ERC1: variants seen among roughly 807,000 people sequenced by gnomAD.
The protein encoded by ERC1 is ELKS/RAB6-interacting/CAST family member 1, also known as RAB6 interacting protein 2.
ERC1 carries 56 observed loss-of-function variants against 132.0 expected under a neutral mutation model. That is an observed-to-expected ratio of 0.42 (90% CI 0.34 to 0.53). The LOEUF (loss-of-function observed/expected upper bound fraction) is 0.53, where lower values mean the gene tolerates loss of function less well. ERC1 is among the 20% of genes least tolerant of loss of function. The pLI is 0.03. For synonymous variants in ERC1, 478 were observed against 476.1 expected (o/e 1.00, Z -0.05); for missense variants, 1,202 against 1,349.9 (o/e 0.89, Z 1.72).
chr12:1,398,655 G>A (rs1349085984), intron 16 of ERC1, among the ~76,000 whole-genome samples: 3 of 152,166 alleles, frequency 2.0e-5, no homozygotes, highest in Admixed American at 6.5e-5. Flanking sequence ...ATGGTATGCT[G>A]CTATAACAAA....
chr12:1,172,545 A>G (rs1184294391), intron 8 of ERC1, among the ~76,000 whole-genome samples: 1 of 152,222 alleles, frequency 6.6e-6, no homozygotes, highest in Non-Finnish European at 1.5e-5. Context: ...TAAACTGTAT[A>G]TATAAACCTG....
intron 17 of ERC1, among the ~76,000 whole-genome samples, chr12:1,410,725 G>A (rs776789980): frequency 4.0e-5 from 6 of 150,198 alleles, no homozygotes; most frequent in South Asian, 2.1e-4. Flanking sequence ...CTTCTAGGAC[G>A]TGTAACTAAA....
At chr12:1,322,804 C>A (rs548622058) in intron 15 of ERC1, among the ~76,000 whole-genome samples, 4 of 152,216 alleles carry the variant, frequency 2.6e-5, no homozygotes, top group Non-Finnish European at 4.4e-5. Flanking sequence ...TCCAGCCTGG[C>A]GACCTTAATT....
chr12:1,106,136 C>T (rs1419347128), intron 4 of ERC1, among the ~76,000 whole-genome samples: 5 of 152,168 alleles, frequency 3.3e-5, no homozygotes, highest in Non-Finnish European at 7.3e-5. Flanking sequence ...TTACCTATGC[C>T]TCAGTTTCTT....
intron 12 of ERC1, among the ~76,000 whole-genome samples, chr12:1,205,407 GTGTGTGTATA>G (rs1340226471): frequency 7.0e-6 from 1 of 142,062 alleles, no homozygotes; most frequent in African/African-American, 2.6e-5. Flanking sequence ...CTGTGTGTGT[GTGTGTGTATA>G]TATATATATA....
chr12:1,230,051 G>T (rs1234076766), intron 12 of ERC1, among the ~76,000 whole-genome samples: 2 of 140,894 alleles, frequency 1.4e-5, no homozygotes, highest in African/African-American at 5.3e-5. Context: ...GTGTCACCCA[G>T]GCTAGAGTGC....
chr12:1,201,928 G>A (rs1029685827), intron 12 of ERC1, among the ~76,000 whole-genome samples: 2 of 152,290 alleles, frequency 1.3e-5, no homozygotes, highest in South Asian at 4.2e-4. Flanking sequence ...GATGACTGGG[G>A]CTGCGGATGG....
At chr12:1,321,520 C>G (rs1401965003) in intron 15 of ERC1, among the ~76,000 whole-genome samples, 2 of 152,120 alleles carry the variant, frequency 1.3e-5, no homozygotes, top group African/African-American at 4.8e-5. Flanking sequence ...TGTTTTACTT[C>G]TGAGTATAAT....
intron 17 of ERC1, among the ~76,000 whole-genome samples, chr12:1,440,409 T>G (rs1459718758): frequency 4.6e-5 from 7 of 150,966 alleles, no homozygotes; most frequent in Non-Finnish European, 4.4e-5. Flanking sequence ...GGTTTCACCG[T>G]GTTAGCCAGG....
chr12:1,000,741 A>G (rs956562609), intron 1 of ERC1, among the ~76,000 whole-genome samples: 4 of 152,128 alleles, frequency 2.6e-5, no homozygotes, highest in Admixed American at 2.0e-4. Context: ...CAGCCTGGTG[A>G]CAGAGCAAGA....
chr12:1,291,660 G>T (rs1358813819), intron 15 of ERC1, among the ~76,000 whole-genome samples: 5 of 152,172 alleles, frequency 3.3e-5, no homozygotes, highest in Admixed American at 6.5e-5. Flanking sequence ...CAAAGCACTA[G>T]AATAGCTTTG....
At chr12:1,115,346 G>A (rs1274881464) in intron 6 of ERC1, among the ~76,000 whole-genome samples, 3 of 152,124 alleles carry the variant, frequency 2.0e-5, no homozygotes, top group Non-Finnish European at 4.4e-5. Context: ...AGAATTTTAT[G>A]CAAACTTTTG....
chr12:1,397,328 C>T (rs1019876172), intron 16 of ERC1, among the ~76,000 whole-genome samples: 2 of 152,134 alleles, frequency 1.3e-5, no homozygotes, highest in Non-Finnish European at 2.9e-5. Context: ...ACAGACACAT[C>T]TTCAAAAATA....
chr12:1,390,843 C>T (rs61913131), intron 16 of ERC1: 41,870 of 151,848 alleles, frequency 0.28, 6,162 homozygotes, highest in Middle Eastern at 0.34. Flanking sequence ...CACACACAGT[C>T]GCACTCTGAT....
intron 1 of ERC1, chr12:991,592 G>C (rs553487952): frequency 3.3e-5 from 5 of 151,972 alleles, no homozygotes; most frequent in Non-Finnish European, 7.4e-5. Context: ...ACCCAGCCGG[G>C]CTCCGGGATC....
chr12:1,413,810 T>C (rs935982575), intron 17 of ERC1, among the ~76,000 whole-genome samples: 1 of 152,224 alleles, frequency 6.6e-6, no homozygotes, highest in Admixed American at 6.5e-5. Context: ...TGAAGTCTTA[T>C]ATGACTATCT....
At chr12:1,356,802 C>T (rs1455155493) in intron 15 of ERC1, among the ~76,000 whole-genome samples, 1 of 152,156 alleles carries the variant, frequency 6.6e-6, no homozygotes, top group African/African-American at 2.4e-5. Flanking sequence ...TAGTCATTGC[C>T]CATTCCCACA....
chr12:1,248,851 C>G (rs975297023), intron 13 of ERC1, among the ~76,000 whole-genome samples: 4 of 151,928 alleles, frequency 2.6e-5, no homozygotes, highest in African/African-American at 9.7e-5. Flanking sequence ...GGTAAGGGCT[C>G]TGTGAGAATT....
intron 16 of ERC1, 32 bp downstream of exon 16, chr12:1,372,009 G>C: frequency 6.2e-7 from 1 of 1,609,220 alleles, no homozygotes; most frequent in African/African-American, 1.3e-5. Flanking sequence ...AGGGTCAGTG[G>C]GGCCAGCTTT....
Sources: allele counts gnomAD v4.1 joint callset (sites outside exome capture counted in the v4.1 genomes callset), GRCh38; gene constraint gnomAD v4.1.1; transcripts MANE v1.5; gene names NCBI Gene and HGNC (gene_info 2026-07-23, HGNC 2026-07-21).